The following RNF217 variants were observed in gnomAD, a reference collection of about 807,000 sequenced individuals.
RNF217 encodes the protein ring finger protein 217.
RNF217 carries 31 observed loss-of-function variants against 57.8 expected under a neutral mutation model. That is an observed-to-expected ratio of 0.54 (90% CI 0.40 to 0.72). RNF217 has a LOEUF of 0.72. RNF217 is among the 30% of genes least tolerant of loss of function. The pLI is 0.00. For missense variants in RNF217, 696 were observed against 708.3 expected (o/e 0.98, Z 0.20); for synonymous variants, 313 against 294.0 (o/e 1.06, Z -0.66).
intron 1 of RNF217, among the ~76,000 whole-genome samples, chr6:125,021,268 C>CTTTTT (rs3080911): frequency 7.7e-6 from 1 of 130,272 alleles, no homozygotes; most frequent in African/African-American, 2.8e-5. Flanking sequence ...ATGGAAAAAG[C>CTTTTT]TTTTTTTTTT....
At chr6:124,972,188 C>G (rs555167111) in intron 1 of RNF217, among the ~76,000 whole-genome samples, 11 of 152,306 alleles carry the variant, frequency 7.2e-5, no homozygotes, top group South Asian at 4.1e-4. Flanking sequence ...GGGGGGTCAT[C>G]ATTGAGCTAT....
At chr6:125,060,590 A>AT (rs894755865) in intron 3 of RNF217, among the ~76,000 whole-genome samples, 32 of 152,022 alleles carry the variant, frequency 2.1e-4, no homozygotes, top group Non-Finnish European at 2.8e-4. Flanking sequence ...GATTACAGGC[A>AT]TGAGCCACCA....
intron 2 of RNF217, among the ~76,000 whole-genome samples, chr6:125,050,916 T>C (rs1787289412): frequency 6.6e-6 from 1 of 151,916 alleles, no homozygotes; most frequent in Non-Finnish European, 1.5e-5. Context: ...ACAGTTAAAG[T>C]CGTCTAGCCC....
intron 1 of RNF217, among the ~76,000 whole-genome samples, chr6:125,032,675 A>G (rs1786411558): frequency 6.6e-6 from 1 of 152,152 alleles, no homozygotes; most frequent in South Asian, 2.1e-4. Context: ...GTTGTAAGAG[A>G]TAATTGTATG....
intron 1 of RNF217, among the ~76,000 whole-genome samples, chr6:124,966,596 T>C (rs1201591504): frequency 6.6e-6 from 1 of 152,242 alleles, no homozygotes; most frequent in African/African-American, 2.4e-5. Flanking sequence ...TAGTGCATTA[T>C]TTAACATCAT....
At chr6:125,072,409 T>G (rs909390739) in intron 3 of RNF217, among the ~76,000 whole-genome samples, 1 of 152,198 alleles carries the variant, frequency 6.6e-6, no homozygotes, top group African/African-American at 2.4e-5. Context: ...CTATAGAGCT[T>G]ACAATTTTAC....
intron 4 of RNF217, among the ~76,000 whole-genome samples, chr6:125,080,775 A>G (rs1788546623): frequency 6.6e-6 from 1 of 152,108 alleles, no homozygotes; most frequent in Non-Finnish European, 1.5e-5. Context: ...ACCACTTGAC[A>G]TCCTTACCAG....
chr6:125,043,106 T>C (rs924972445), intron 1 of RNF217, among the ~76,000 whole-genome samples: 2 of 152,104 alleles, frequency 1.3e-5, no homozygotes, highest in Non-Finnish European at 2.9e-5. Flanking sequence ...TCATCTTTGC[T>C]TACAGCCTCA....
At position 125,056,748 on chromosome 6, in the gene RNF217, TC is replaced by T. The variant is rs1249810540; in HGVS notation, c.1117-1193del. Reference sequence around the variant, plus strand: ...GAGAGTGGTCAGTTATAAATATCATTCATAATGAGACATTTTATTAATCCAT... The same window carrying T: ...GAGAGTGGTCAGTTATAAATATCATTATAATGAGACATTTTATTAATCCAT... On this transcript the variant is annotated intron_variant, in intron 2 of 5. Transcript: ENST00000521654. Among the ~76,000 whole-genome samples the T allele has an allele frequency of 2.6e-5, 4 of 152,320 alleles. No homozygotes were observed. The South Asian group carries it at 6.2e-4, about 24-fold the overall frequency.
intron 4 of RNF217, among the ~76,000 whole-genome samples, chr6:125,081,149 G>T (rs1361057487): frequency 6.6e-6 from 1 of 152,088 alleles, no homozygotes; most frequent in Non-Finnish European, 1.5e-5. Context: ...AAGATGAACT[G>T]TCCTGGTAGA....
chr6:125,026,429 A>G (rs1297937064), intron 1 of RNF217, among the ~76,000 whole-genome samples: 13 of 152,170 alleles, frequency 8.5e-5, no homozygotes, highest in Non-Finnish European at 1.5e-5. Context: ...AACGCTCAAC[A>G]AATGTTAGCT....
chr6:125,000,731 T>A (rs1351658938), intron 1 of RNF217, among the ~76,000 whole-genome samples: 1 of 151,948 alleles, frequency 6.6e-6, no homozygotes. Context: ...TTTAAGGAAG[T>A]TTTCCATATT....
At chr6:124,968,754 C>T (rs1366112319) in intron 1 of RNF217, among the ~76,000 whole-genome samples, 1 of 152,170 alleles carries the variant, frequency 6.6e-6, no homozygotes, top group African/African-American at 2.4e-5. Context: ...CCTGAAGGCT[C>T]TTCCTTAACT....
intron 1 of RNF217, among the ~76,000 whole-genome samples, chr6:124,990,806 C>T (rs947331777): frequency 3.9e-5 from 6 of 152,042 alleles, no homozygotes; most frequent in East Asian, 3.9e-4. Context: ...GGCTTACGTC[C>T]GTAATCCCAG....
chr6:125,025,817 T>C (rs72969649), intron 1 of RNF217, among the ~76,000 whole-genome samples: 20,341 of 150,960 alleles, frequency 0.13, 1,881 homozygotes, highest in Non-Finnish European at 0.2. Context: ...AAATGTACTC[T>C]CTTATGAGTG....
At chr6:125,071,967 A>G (rs1475618406) in intron 3 of RNF217, among the ~76,000 whole-genome samples, 1 of 152,176 alleles carries the variant, frequency 6.6e-6, no homozygotes, top group Non-Finnish European at 1.5e-5. Context: ...TTGGAGCTAT[A>G]ATAAAAAATA....
chr6:125,022,381 A>C (rs187380271), intron 1 of RNF217, among the ~76,000 whole-genome samples: 1 of 152,250 alleles, frequency 6.6e-6, no homozygotes, highest in Admixed American at 6.5e-5. Flanking sequence ...ATTAACAAAA[A>C]TAAGTAACAA....
chr6:125,072,728 GAC>G (rs1562495908), intron 3 of RNF217, among the ~76,000 whole-genome samples: 1 of 152,156 alleles, frequency 6.6e-6, no homozygotes. Flanking sequence ...AAAACAAGAA[GAC>G]ACAGATATAC....
chr6:125,034,677 A>G (rs1048031682), intron 1 of RNF217, among the ~76,000 whole-genome samples: 12 of 152,214 alleles, frequency 7.9e-5, no homozygotes, highest in African/African-American at 2.6e-4. Flanking sequence ...TTGGCGATGC[A>G]GGCTCTTTTT....
Sources: allele counts gnomAD v4.1 joint callset (sites outside exome capture counted in the v4.1 genomes callset), GRCh38; gene constraint gnomAD v4.1.1; transcripts MANE v1.5; gene names NCBI Gene and HGNC (gene_info 2026-07-23, HGNC 2026-07-21).